Variants in ARHGAP23 observed in about 807,000 individuals in gnomAD.
The protein encoded by ARHGAP23 is Rho GTPase activating protein 23.
ARHGAP23 carries 34 observed loss-of-function variants against 136.3 expected under a neutral mutation model. That is an observed-to-expected ratio of 0.25 (90% CI 0.19 to 0.33). ARHGAP23 has a LOEUF of 0.33. Ranked by LOEUF, ARHGAP23 falls within the 10% of genes least tolerant of loss-of-function variation. The pLI, the probability that ARHGAP23 is intolerant of heterozygous loss-of-function variation, is 1.00. For missense variants in ARHGAP23, 1,808 were observed against 2,139.0 expected (o/e 0.85, Z 3.05); for synonymous variants, 832 against 920.5 (o/e 0.90, Z 1.74).
chr17:38,490,404 G>A (rs2040249940), intron 18 of ARHGAP23, 58 bp from the exon 19 acceptor site: 8 of 1,349,744 alleles, frequency 5.9e-6, no homozygotes, highest in Admixed American at 3.9e-5. Context: ...TGGTGATGAC[G>A]GGGGACAGGG....
At chr17:38,425,741 CCA>C (rs1019453280), upstream of ARHGAP23, among the ~76,000 whole-genome samples, 1 of 151,996 alleles carries the variant, frequency 6.6e-6, no homozygotes, top group African/African-American at 2.4e-5. Context: ...GGAGTGAGAC[CCA>C]GAGTGTCGAG....
At chr17:38,500,333 A>T in intron 22 of ARHGAP23, 1 of 537,748 alleles carries the variant, frequency 1.9e-6, no homozygotes, top group South Asian at 2.4e-5. Flanking sequence ...GCCCTTAGCC[A>T]TCGGTAAATG....
At chr17:38,428,604 T>G in intron 1 of ARHGAP23, 56 bp downstream of exon 1, 2 of 1,243,012 alleles carry the variant, frequency 1.6e-6, no homozygotes, top group East Asian at 6.4e-5. Context: ...GGGAGCGGGC[T>G]GCCAAGCCAG....
intron 2 of ARHGAP23, among the ~76,000 whole-genome samples, chr17:38,460,198 G>T (rs905526192): frequency 6.6e-6 from 1 of 152,036 alleles, no homozygotes; most frequent in Non-Finnish European, 1.5e-5. Flanking sequence ...CCTCCCAGTG[G>T]GTCCCCTTGA....
chr17:38,490,264 C>T lies in ARHGAP23; in HGVS notation c.3060+89C>T, dbSNP rs533310149. On this transcript the variant is annotated intron_variant, in intron 18 of 23. Transcript: ENST00000622683. ...GAGGCAGGGAGTCCGGTGCTGCCCA[C>T]GACCCCTGTGGCCTTGGAGAAGCCC... 116 of 1,360,652 alleles carry T rather than the reference C, an allele frequency of 8.5e-5. No homozygotes were observed. In the African/African-American group the frequency reaches 1.2e-3, roughly 14 times the overall value. 84.3% of individuals were successfully genotyped at this position (1,360,652 alleles called of 1,614,324 possible). A position where few individuals can be genotyped will look rare whatever the true frequency, so the allele number is the denominator to read the frequency against.
chr17:38,443,888 G>A (rs2038973637), intron 1 of ARHGAP23, among the ~76,000 whole-genome samples: 1 of 152,154 alleles, frequency 6.6e-6, no homozygotes, highest in Non-Finnish European at 1.5e-5. Flanking sequence ...CAGACAACAG[G>A]AAGCACTCCT....
chr17:38,505,503 T>C (rs576396413), intron 23 of ARHGAP23, among the ~76,000 whole-genome samples: 36 of 152,270 alleles, frequency 2.4e-4, no homozygotes, highest in African/African-American at 8.7e-4. Flanking sequence ...CTCAAATTCC[T>C]TGACCCCAAC....
At chr17:38,465,271 C>CCTGGGACTGGAGGTGTAGTTATTTGTGT (rs369413892) in intron 6 of ARHGAP23, among the ~76,000 whole-genome samples, 7,044 of 151,718 alleles carry the variant, frequency 0.046, 574 homozygotes, top group African/African-American at 0.16. Context: ...GATGTTTGTG[C>CCTGGGACTGGAGGTGTAGTTATTTGTGT]CTGGGACTGG....
In ARHGAP23 at chr17:38,512,060, G is replaced by C. The variant is rs55892551; in HGVS notation, c.*1088G>C. 1 of 152,036 alleles carries C rather than the reference G, an allele frequency of 6.6e-6. No individual in the cohort carries two copies. Among genetic ancestry groups the C allele is most frequent in the Admixed American group, 6.6e-5 (1 of 15,258 alleles). 9.4% of individuals were successfully genotyped at this position (152,036 alleles called of 1,614,324 possible). ...GGAAGCCCAGGTAGGTGGTGAACCC[G>C]CTGCCACGTCTATCAGTCCTCTTGT... is the stretch of plus-strand genomic sequence containing the variant. On this transcript the variant is annotated 3_prime_UTR_variant, in exon 24 of 24. Transcript: ENST00000622683.
At chr17:38,455,102 T>C (rs1356602942) in intron 1 of ARHGAP23, among the ~76,000 whole-genome samples, 2 of 152,236 alleles carry the variant, frequency 1.3e-5, no homozygotes, top group Admixed American at 1.3e-4. Flanking sequence ...GCTCCTTCTG[T>C]GGTTTTTGCA....
At chr17:38,464,453 G>A (rs781129510) in intron 6 of ARHGAP23, among the ~76,000 whole-genome samples, 28 of 152,236 alleles carry the variant, frequency 1.8e-4, no homozygotes, top group Admixed American at 7.9e-4. Context: ...CCTGGGAGCC[G>A]CTGTGCTGGC....
chr17:38,437,748 T>A (rs1410267646), intron 1 of ARHGAP23, among the ~76,000 whole-genome samples: 2 of 151,372 alleles, frequency 1.3e-5, no homozygotes, highest in African/African-American at 4.9e-5. Context: ...TTAGACCCTC[T>A]TTTCCACAGC....
chr17:38,428,855 G>A (rs1049886601), intron 1 of ARHGAP23, among the ~76,000 whole-genome samples: 10 of 152,158 alleles, frequency 6.6e-5, no homozygotes, highest in African/African-American at 1.9e-4. Flanking sequence ...GCTGGGCAGC[G>A]GGGGCGGGAG....
At chr17:38,434,156 G>T (rs1223718386) in intron 1 of ARHGAP23, among the ~76,000 whole-genome samples, 1 of 152,122 alleles carries the variant, frequency 6.6e-6, no homozygotes, top group Non-Finnish European at 1.5e-5. Context: ...TGCCCAAGGG[G>T]TTTGGGTGTA....
intron 1 of ARHGAP23, among the ~76,000 whole-genome samples, chr17:38,448,709 G>A (rs1180962437): frequency 1.4e-5 from 2 of 146,612 alleles, no homozygotes; most frequent in South Asian, 2.2e-4. Context: ...GCAGTGGCGC[G>A]AACACAGCTC....
chr17:38,435,148 A>G (rs1458295621), intron 1 of ARHGAP23, among the ~76,000 whole-genome samples: 1 of 152,240 alleles, frequency 6.6e-6, no homozygotes, highest in East Asian at 1.9e-4. Flanking sequence ...CCAAGGGGAT[A>G]GAGCAGAGAG....
At chr17:38,463,050 G>C in intron 4 of ARHGAP23, 68 bp from the exon 5 acceptor site, 1 of 1,536,602 alleles carries the variant, frequency 6.5e-7, no homozygotes, top group Non-Finnish European at 8.8e-7. Context: ...AGCCATGCCT[G>C]GTACAGGGGT....
At chr17:38,498,658 G>A in intron 22 of ARHGAP23, 148 bp downstream of exon 22, 2 of 700,704 alleles carry the variant, frequency 2.9e-6, no homozygotes, top group Non-Finnish European at 4.6e-6. Context: ...GGCTGTTGGG[G>A]GCCTTCTCCC....
chr17:38,500,518 G>C lies in ARHGAP23; in HGVS notation c.3416-79G>C, dbSNP rs2040496531. 9.3e-6 allele frequency: 12 copies of C among 1,294,350 alleles called. No homozygotes were observed. The South Asian group carries it at 1.5e-4, about 16-fold the overall frequency. The allele number at this position is 1,294,350 out of a possible 1,614,324, so 80.2% of individuals were successfully genotyped here. ...CCCTGGTTTCTGAAGCCTTTGAGGA[G>C]AGGGAATTGTGTGCATAAGACTCAG... On this transcript the variant is annotated intron_variant, in intron 22 of 23. Transcript: ENST00000622683.
Sources: gnomAD v4.1 joint callset for allele counts (sites outside exome capture counted in the v4.1 genomes callset) on GRCh38, gnomAD v4.1.1 for gene constraint, MANE v1.5 for transcripts, NCBI Gene and HGNC (gene_info 2026-07-23, HGNC 2026-07-21) for gene names.